Variants in IL12B observed in about 807,000 individuals in gnomAD.
IL12B encodes interleukin-12 subunit beta.
Under a neutral mutation model 39.2 loss-of-function variants are expected in IL12B, and 27 were observed. That is an observed-to-expected ratio of 0.69 (90% confidence interval 0.51 to 0.95). The LOEUF is 0.95. Among genes scored for constraint, IL12B ranks in the 40% least tolerant of loss-of-function variants. The pLI is 0.00. For missense variants in IL12B, 351 were observed against 397.6 expected, an observed-to-expected ratio of 0.88 and a Z score of 1.00; for synonymous variants, 142 against 152.1, an observed-to-expected ratio of 0.93 and a Z score of 0.49.
chr5:159,324,925 G>A (rs908616958), intron 2 of IL12B, among the ~76,000 whole-genome samples: 2 of 151,960 alleles, frequency 1.3e-5, no homozygotes, highest in African/African-American at 2.4e-5. Context: ...CCAACTCTGG[G>A]GAAATGATTA....
intron 6 of IL12B, among the ~76,000 whole-genome samples, chr5:159,317,252 T>C (rs1754004237): frequency 6.6e-6 from 1 of 152,214 alleles, no homozygotes; most frequent in Admixed American, 6.5e-5. Flanking sequence ...CAGGAAAATG[T>C]CTTAGGTTCT....
Position 159,320,596 on chromosome 5 carries a change from G to T in IL12B, c.483-76C>A, listed in dbSNP as rs941980598. The T allele has an allele frequency of 2.4e-6, 3 of 1,231,878 alleles. No homozygotes were observed. The African/African-American group carries it at 4.5e-5, about 18-fold the overall frequency. 76.3% of individuals were successfully genotyped at this position (1,231,878 alleles called of 1,614,324 possible). A position where few individuals can be genotyped will look rare whatever the true frequency, so the allele number is the denominator to read the frequency against. On this transcript the variant is annotated intron_variant, in intron 4 of 7. Transcript: ENST00000231228. ...CCTAGTGATTGTAGCCAGTAAGGCA[G>T]GTAAGGCCTCAACTGTTGTCTGAGG...
At chr5:159,316,854 A>C (rs754126843) in intron 6 of IL12B, 38 bp from the exon 7 acceptor site, 1 of 1,612,622 alleles carries the variant, frequency 6.2e-7, no homozygotes, top group East Asian at 2.2e-5. Flanking sequence ...ACCCCTTGGC[A>C]ACATAGTCAC....
rs1405386622 is a variant in IL12B at position 159,318,777 on chromosome 5, T to C, written c.814A>G (p.Thr272Ala). ...WSTPHSYFSL[T>A]FCVQVQGKSK... is the part of the protein sequence containing the mutation. Reference sequence around the variant, plus strand: ...TTGCCCTGGACCTGAACGCAGAATGTCAGGGAGAAGTAGGAATGTGGAGTA... The same window carrying C: ...TTGCCCTGGACCTGAACGCAGAATGCCAGGGAGAAGTAGGAATGTGGAGTA... Residue 272 changes from threonine to alanine, a missense_variant, in exon 6 of 8, where the codon ACA (threonine) becomes GCA (alanine). Coordinates refer to ENST00000231228, the MANE Select transcript of IL12B (RefSeq NM_002187.3). 6.2e-7 allele frequency: 1 copy of C among 1,614,202 alleles called. No individual in the cohort carries two copies. The highest frequency in any genetic ancestry group is 2.2e-5 in the East Asian group (1 of 44,888).
intron 1 of IL12B, among the ~76,000 whole-genome samples, chr5:159,327,775 G>C (rs1754216963): frequency 6.6e-6 from 1 of 152,094 alleles, no homozygotes. Flanking sequence ...ACAACATATT[G>C]ATATATCCAC....
At chr5:159,325,862 G>T (rs1414761728) in intron 2 of IL12B, among the ~76,000 whole-genome samples, 1 of 152,148 alleles carries the variant, frequency 6.6e-6, no homozygotes, top group Non-Finnish European at 1.5e-5. Context: ...AAATCTGAGG[G>T]TCTTTCAGGT....
chr5:159,322,664 G>A (rs535526916), intron 3 of IL12B, among the ~76,000 whole-genome samples, 153 bp from the exon 4 acceptor site: 2 of 152,340 alleles, frequency 1.3e-5, no homozygotes, highest in African/African-American at 2.4e-5. Context: ...GTATCCCAGT[G>A]GGGTGTTGAT....
intron 2 of IL12B, among the ~76,000 whole-genome samples, chr5:159,325,074 G>C (rs777762623): frequency 6.6e-6 from 1 of 152,090 alleles, no homozygotes; most frequent in African/African-American, 2.4e-5. Context: ...CTCAACAGCA[G>C]GGAAAACAGC....
At chr5:159,319,364 T>G (rs532504058) in intron 5 of IL12B, among the ~76,000 whole-genome samples, 13 of 152,250 alleles carry the variant, frequency 8.5e-5, no homozygotes, top group Admixed American at 2.0e-4. Context: ...CGGACATGTC[T>G]TGGAGCAGTT....
Position 159,322,439 on chromosome 5 carries a change from G to A in IL12B, c.437C>T (p.Thr146Met), listed in dbSNP as rs766056574. ...YSGRFTCWWL[T>M]TISTDLTFSV... Reference sequence around the variant, plus strand: ...GAATGTCAAATCAGTACTGATTGTCGTCAGCCACCAGCAGGTGAAACGTCC... The same window carrying A: ...GAATGTCAAATCAGTACTGATTGTCATCAGCCACCAGCAGGTGAAACGTCC... The change falls in exon 4 of 8, where the codon ACG becomes ATG. Residue 146 changes from threonine to methionine, a missense_variant. Transcript: ENST00000231228. The A allele has an allele frequency of 1.4e-5, 23 of 1,613,492 alleles. No individual in the cohort carries two copies. The highest frequency in any genetic ancestry group is 1.6e-4 in the Middle Eastern group (1 of 6,062).
chr5:159,316,589 A>AT, intron 7 of IL12B, 96 bp downstream of exon 7: 1 of 1,357,412 alleles, frequency 7.4e-7, no homozygotes, highest in Non-Finnish European at 1.0e-6. Flanking sequence ...TGGCCACTCC[A>AT]TCCCCCTTTC....
chr5:159,325,677 C>A (rs530523985), intron 2 of IL12B: 6 of 152,348 alleles, frequency 3.9e-5, no homozygotes, highest in Non-Finnish European at 7.3e-5. Flanking sequence ...GGGCAAGTTA[C>A]TTAATCTCTC....
Position 159,315,943 on chromosome 5 carries a change from A to G in IL12B, c.*158T>C, listed in dbSNP as rs1238473397. 1 of 152,422 alleles carries G rather than the reference A, an allele frequency of 6.6e-6. No individual in the cohort carries two copies. The highest frequency in any genetic ancestry group is 1.5e-5 in the Non-Finnish European group (1 of 68,066). 9.4% of individuals were successfully genotyped at this position (152,422 alleles called of 1,614,324 possible). On this transcript the variant is annotated 3_prime_UTR_variant, in exon 8 of 8. Coordinates refer to ENST00000231228, the MANE Select transcript of IL12B (RefSeq NM_002187.3). The stretch of plus-strand genomic sequence containing the variant: ...TTGTTTCAATGAGCATTTAGCATCT[A>G]ACTATACAAATACAGCAAAGATATC...
At chr5:159,320,285 A>T (rs757020462) in intron 5 of IL12B, 21 bp downstream of exon 5, 13 of 1,598,582 alleles carry the variant, frequency 8.1e-6, no homozygotes, top group Non-Finnish European at 1.1e-5. Flanking sequence ...TATGGAGCAC[A>T]TATAATCATC....
intron 2 of IL12B, among the ~76,000 whole-genome samples, chr5:159,323,959 G>A (rs1388637051): frequency 6.6e-6 from 1 of 150,828 alleles, no homozygotes; most frequent in Admixed American, 6.6e-5. Context: ...CAGTAAATTC[G>A]GTGTTAGTTA....
In IL12B at chr5:159,323,073, A is replaced by G; in HGVS notation, c.345T>C (p.Asp115=). 1.2e-6 allele frequency: 2 copies of G among 1,614,174 alleles called. No homozygotes were observed. Among genetic ancestry groups the G allele is most frequent in the Non-Finnish European group, 1.7e-6 (2 of 1,179,996 alleles). Residue 115 remains aspartate (D), a synonymous_variant, in exon 3 of 8, where the codon GAT becomes GAC. Coordinates refer to ENST00000231228, the MANE Select transcript of IL12B (RefSeq NM_002187.3). The part of the protein sequence containing the change: ...HKKEDGIWST[D]ILKDQKEPKN... The stretch of plus-strand genomic sequence containing the variant: ...AATTACCTTTCTGGTCCTTTAAAAT[A>G]TCAGTGGACCAAATTCCATCTTCCT...
intron 1 of IL12B, 41 bp from the exon 2 acceptor site, chr5:159,326,823 A>G: frequency 8.6e-7 from 1 of 1,163,338 alleles, no homozygotes; most frequent in Non-Finnish European, 1.3e-6. Context: ...GAAGGAGGAA[A>G]AGAGAAGGAA....
chr5:159,320,618 G>C, intron 4 of IL12B, 98 bp from the exon 5 acceptor site: 1 of 983,372 alleles, frequency 1.0e-6, no homozygotes, highest in Non-Finnish European at 1.6e-6. Context: ...ACTGTTGTCT[G>C]AGGACACAGT....
chr5:159,323,434 T>G, intron 2 of IL12B, 105 bp from the exon 3 acceptor site: 1 of 1,059,524 alleles, frequency 9.4e-7, no homozygotes, highest in South Asian at 1.3e-5. Context: ...ACAACCTTGT[T>G]TACAACAAGT....
Sources: allele counts gnomAD v4.1 joint callset (sites outside exome capture counted in the v4.1 genomes callset), GRCh38; gene constraint gnomAD v4.1.1; transcripts MANE v1.5; gene names NCBI Gene and HGNC (gene_info 2026-07-23, HGNC 2026-07-21).